The following ESR1 variants were observed in gnomAD, a reference collection of about 807,000 sequenced individuals.
ESR1 encodes estrogen receptor 1.
Under a neutral mutation model 52.7 loss-of-function variants are expected in ESR1, and 12 were observed. That is an observed-to-expected ratio of 0.23 (90% CI 0.15 to 0.37). The LOEUF is 0.37. ESR1 is among the 10% of genes least tolerant of loss of function. The pLI, the probability that ESR1 is intolerant of heterozygous loss-of-function variation, is 1.00. For missense variants in ESR1, 584 were observed against 779.7 expected (o/e 0.75, Z 2.99); for synonymous variants, 305 against 316.8 (o/e 0.96, Z 0.39).
At chr6:151,878,179 C>A (rs1792183379) in intron 2 of ESR1, among the ~76,000 whole-genome samples, 1 of 152,190 alleles carries the variant, frequency 6.6e-6, no homozygotes, top group African/African-American at 2.4e-5. Flanking sequence ...CCACAGGAGA[C>A]TAAACACTGA....
intron 2 of ESR1, among the ~76,000 whole-genome samples, chr6:151,717,074 G>T (rs1781103312): frequency 6.6e-6 from 1 of 152,136 alleles, no homozygotes. Context: ...CGTTCCTTAG[G>T]GCACAGTCCC....
chr6:152,088,408 A>C (rs540407820), intron 6 of ESR1, among the ~76,000 whole-genome samples: 1 of 152,306 alleles, frequency 6.6e-6, no homozygotes, highest in African/African-American at 2.4e-5. Context: ...TAGTAAAAAT[A>C]TGCTACCGTG....
chr6:151,763,052 T>C (rs1285297221), intron 2 of ESR1, among the ~76,000 whole-genome samples: 1 of 151,760 alleles, frequency 6.6e-6, no homozygotes, highest in Non-Finnish European at 1.5e-5. Context: ...TTAAAATACA[T>C]AAAGTAAATA....
chr6:151,741,203 C>G (rs1280749441), intron 2 of ESR1, among the ~76,000 whole-genome samples: 1 of 152,138 alleles, frequency 6.6e-6, no homozygotes, highest in African/African-American at 2.4e-5. Context: ...TCCCTGTCTC[C>G]TCTTCCTGCT....
intron 6 of ESR1, among the ~76,000 whole-genome samples, chr6:152,085,422 C>CT (rs1315959813): frequency 6.6e-6 from 1 of 152,126 alleles, no homozygotes; most frequent in Non-Finnish European, 1.5e-5. Context: ...AGTTTGGACT[C>CT]TATGGATCAT....
At chr6:151,796,953 T>A (rs909159810) in intron 2 of ESR1, among the ~76,000 whole-genome samples, 4 of 152,174 alleles carry the variant, frequency 2.6e-5, no homozygotes, top group African/African-American at 9.7e-5. Context: ...ACCTATACGT[T>A]GGGGTGATCC....
intron 4 of ESR1, among the ~76,000 whole-genome samples, chr6:151,949,141 T>C (rs1415949659): frequency 6.6e-6 from 1 of 152,174 alleles, no homozygotes; most frequent in East Asian, 1.9e-4. Flanking sequence ...TCTATTTCCA[T>C]TTCCAATCTC....
chr6:151,793,428 TAGA>T (rs779057508), intron 2 of ESR1, among the ~76,000 whole-genome samples: 2 of 152,108 alleles, frequency 1.3e-5, no homozygotes, highest in African/African-American at 4.8e-5. Context: ...TTTTTTCTAG[TAGA>T]AGGAGTACAC....
chr6:151,787,606 A>G (rs1787147450), intron 2 of ESR1, among the ~76,000 whole-genome samples: 1 of 151,990 alleles, frequency 6.6e-6, no homozygotes, highest in South Asian at 2.1e-4. Flanking sequence ...TTTTGTGGCA[A>G]TTGTGAATGG....
At chr6:151,858,734 T>C (rs958924555) in intron 2 of ESR1, among the ~76,000 whole-genome samples, 3 of 152,152 alleles carry the variant, frequency 2.0e-5, no homozygotes, top group African/African-American at 7.2e-5. Flanking sequence ...AGGACTCCTC[T>C]TTTGCTTAGA....
chr6:151,939,169 A>G (rs961442174), intron 3 of ESR1, among the ~76,000 whole-genome samples: 2 of 152,196 alleles, frequency 1.3e-5, no homozygotes, highest in Non-Finnish European at 2.9e-5. Context: ...TGGCATTCCA[A>G]GCCAACATGT....
intron 7 of ESR1, chr6:152,096,708 TAG>T (rs1456940726): frequency 2.2e-6 from 1 of 455,854 alleles, no homozygotes; most frequent in Non-Finnish European, 4.4e-6. Flanking sequence ...GTCTGTCAGG[TAG>T]AGTAGGTGAC....
At chr6:152,036,481 A>C (rs2128882014) in intron 5 of ESR1, among the ~76,000 whole-genome samples, 1 of 152,350 alleles carries the variant, frequency 6.6e-6, no homozygotes, top group Admixed American at 6.5e-5. Context: ...TTCTTTTGTA[A>C]GAATCAAATA....
intron 2 of ESR1, among the ~76,000 whole-genome samples, chr6:151,715,088 A>G (rs1342338693): frequency 1.3e-5 from 2 of 152,028 alleles, no homozygotes; most frequent in Non-Finnish European, 2.9e-5. Context: ...TTTCTCTTTC[A>G]CTTATGAAGC....
chr6:151,896,475 A>G (rs1795524516), intron 3 of ESR1, among the ~76,000 whole-genome samples: 1 of 152,142 alleles, frequency 6.6e-6, no homozygotes, highest in Non-Finnish European at 1.5e-5. Context: ...ATGTGTGTAA[A>G]GGTGTTCATA....
intron 1 of ESR1, chr6:151,809,268 GA>G: frequency 2.5e-6 from 1 of 398,864 alleles, no homozygotes; most frequent in Non-Finnish European, 5.4e-6. Context: ...CTTCAATGGC[GA>G]AGGTTGTGTG....
At chr6:151,960,384 A>G (rs2037512447) in intron 4 of ESR1, among the ~76,000 whole-genome samples, 1 of 152,242 alleles carries the variant, frequency 6.6e-6, no homozygotes. Context: ...CAGCAGTGCC[A>G]GGGCAGGGTG....
chr6:152,026,222 A>G (rs1469932334), intron 5 of ESR1, among the ~76,000 whole-genome samples: 1 of 152,034 alleles, frequency 6.6e-6, no homozygotes, highest in Non-Finnish European at 1.5e-5. Flanking sequence ...ATGTCTATTT[A>G]TCTTCTTATA....
chr6:151,707,704 G>A (rs1209936723), intron 2 of ESR1, among the ~76,000 whole-genome samples: 1 of 151,952 alleles, frequency 6.6e-6, no homozygotes, highest in African/African-American at 2.4e-5. Flanking sequence ...TCCTTAAGGA[G>A]TATTGCCAGA....
Sources: allele counts gnomAD v4.1 joint callset (sites outside exome capture counted in the v4.1 genomes callset), GRCh38; gene constraint gnomAD v4.1.1; transcripts MANE v1.5; gene names NCBI Gene and HGNC (gene_info 2026-07-23, HGNC 2026-07-21).